ENKUR: variants seen among roughly 807,000 people sequenced by gnomAD.
ENKUR encodes enkurin.
In ENKUR, 19 loss-of-function variants were observed where a neutral mutation model predicts 27.6. The ratio of observed to expected loss-of-function variants is 0.69; its 90% CI spans 0.48 to 1.01. The LOEUF is 1.01. Among genes scored for constraint, ENKUR ranks in the 50% least tolerant of loss-of-function variants. The pLI is 0.00. For synonymous variants in ENKUR, 117 were observed against 96.9 expected, an observed-to-expected ratio of 1.21 and a Z score of -1.22; for missense variants, 312 against 310.5, an observed-to-expected ratio of 1.00 and a Z score of -0.04.
intron 2 of ENKUR, among the ~76,000 whole-genome samples, chr10:25,044,893 T>G (rs555089398): frequency 6.6e-6 from 1 of 152,370 alleles, no homozygotes; most frequent in South Asian, 2.1e-4. Context: ...TTATCCCTAC[T>G]GTGGATTTCT....
intron 2 of ENKUR, among the ~76,000 whole-genome samples, chr10:24,999,037 C>A (rs550137263): frequency 6.6e-6 from 1 of 152,252 alleles, no homozygotes; most frequent in South Asian, 2.1e-4. Context: ...GGAGAAAAGG[C>A]CAGACAGGGT....
intron 2 of ENKUR, among the ~76,000 whole-genome samples, chr10:25,039,907 C>A (rs1170006074): frequency 6.7e-6 from 1 of 149,180 alleles, no homozygotes; most frequent in African/African-American, 2.5e-5. Flanking sequence ...ATGTAACAAA[C>A]CTGCACATGT....
intron 2 of ENKUR, among the ~76,000 whole-genome samples, chr10:25,054,417 C>T (rs573877867): frequency 2.6e-5 from 4 of 151,980 alleles, no homozygotes; most frequent in Admixed American, 1.3e-4. Context: ...AGTGAAACTC[C>T]GTCTCAAATA....
chr10:25,053,800 T>A lies in ENKUR; in HGVS notation c.37+7312A>T, dbSNP rs960577894. Among the ~76,000 whole-genome samples the A allele has an allele frequency of 5.3e-5, 8 of 151,982 alleles. No homozygotes were observed. In the East Asian group the frequency reaches 5.8e-4, roughly 11 times the overall value. On this transcript the variant is annotated intron_variant, in intron 2 of 5. Coordinates refer to the ENKUR transcript ENST00000615958. ...CTTTTTACCCAGCACTGATTTTTTT[T>A]AAATTTATGATAAAATATTTAAGAC...
intron 2 of ENKUR, chr10:25,023,090 C>G (rs1850757589): frequency 2.5e-6 from 2 of 807,966 alleles, no homozygotes; most frequent in Non-Finnish European, 1.9e-6. Context: ...TGGTTATATT[C>G]AGTCCTATTG....
chr10:25,053,661 T>G (rs1387330045), intron 2 of ENKUR, among the ~76,000 whole-genome samples: 5 of 152,076 alleles, frequency 3.3e-5, no homozygotes, highest in Non-Finnish European at 4.4e-5. Flanking sequence ...TACCTTCGGG[T>G]TTTTTACTGC....
chr10:25,037,661 T>C (rs984354463), intron 2 of ENKUR, among the ~76,000 whole-genome samples: 4 of 152,168 alleles, frequency 2.6e-5, no homozygotes, highest in Non-Finnish European at 5.9e-5. Flanking sequence ...TAAAGCTGTT[T>C]TGCTCTTCTT....
At chr10:25,046,820 G>GTGC (rs1306291973) in intron 2 of ENKUR, among the ~76,000 whole-genome samples, 2 of 152,132 alleles carry the variant, frequency 1.3e-5, no homozygotes, top group African/African-American at 2.4e-5. Flanking sequence ...CAGCCAAAGA[G>GTGC]TTTATTTACT....
At chr10:25,024,180 G>C (rs1302697789) in intron 2 of ENKUR, 4 of 1,614,080 alleles carry the variant, frequency 2.5e-6, no homozygotes, top group Non-Finnish European at 3.4e-6. Flanking sequence ...CTGCTTATGG[G>C]GAAAACTTTG....
At chr10:25,008,831 C>G (rs186198724) in intron 1 of ENKUR, among the ~76,000 whole-genome samples, 1 of 152,252 alleles carries the variant, frequency 6.6e-6, no homozygotes, top group East Asian at 1.9e-4. Flanking sequence ...GCACTATTCA[C>G]AATAGCAAAG....
chr10:25,040,572 G>A (rs1361618973), intron 2 of ENKUR, among the ~76,000 whole-genome samples: 1 of 151,604 alleles, frequency 6.6e-6, no homozygotes, highest in Non-Finnish European at 1.5e-5. Flanking sequence ...CGGTTTCACC[G>A]TGTTAGCCAG....
chr10:25,057,411 ACACACACACACACACAC>A (rs1233834858), intron 2 of ENKUR, among the ~76,000 whole-genome samples: 7 of 149,872 alleles, frequency 4.7e-5, no homozygotes, highest in African/African-American at 9.8e-5. Context: ...ACACACACAC[ACACACACACACACACAC>A]AATGCCCTTA....
intron 2 of ENKUR, among the ~76,000 whole-genome samples, chr10:25,040,810 G>C (rs1851055813): frequency 6.6e-6 from 1 of 152,206 alleles, no homozygotes; most frequent in Non-Finnish European, 1.5e-5. Context: ...TGACCATTTG[G>C]TTTTCCTACT....
At chr10:25,025,533 G>T in intron 2 of ENKUR, 1 of 1,373,110 alleles carries the variant, frequency 7.3e-7, no homozygotes, top group East Asian at 2.3e-5. Context: ...GAGTACAGTA[G>T]CATTTTGTCT....
chr10:25,003,181 A>ATTTATTTATTT (rs1564340741), intron 1 of ENKUR, among the ~76,000 whole-genome samples: 3 of 146,990 alleles, frequency 2.0e-5, no homozygotes, highest in African/African-American at 7.3e-5. Context: ...TTAATTAATT[A>ATTTATTTATTT]ATTTATTTAT....
intron 1 of ENKUR, among the ~76,000 whole-genome samples, chr10:25,015,165 G>C (rs936310477): frequency 6.6e-6 from 1 of 152,280 alleles, no homozygotes; most frequent in South Asian, 2.1e-4. Context: ...CTACAGATGG[G>C]AGTAACTGAA....
chr10:24,986,771 T>G (rs568820124), intron 4 of ENKUR, among the ~76,000 whole-genome samples: 37 of 152,344 alleles, frequency 2.4e-4, no homozygotes, highest in Admixed American at 1.6e-3. Context: ...GTAGCTAATA[T>G]TTCATATTAT....
At chr10:25,029,177 T>C (rs903964550) in intron 2 of ENKUR, among the ~76,000 whole-genome samples, 2 of 152,214 alleles carry the variant, frequency 1.3e-5, no homozygotes, top group African/African-American at 4.8e-5. Flanking sequence ...TTAACATTTG[T>C]GACTCTTCTT....
chr10:25,048,241 C>T (rs1851142552), intron 2 of ENKUR, among the ~76,000 whole-genome samples: 1 of 152,162 alleles, frequency 6.6e-6, no homozygotes, highest in East Asian at 1.9e-4. Flanking sequence ...AGAGAATACA[C>T]TGAGGACTTC....
Sources: allele counts gnomAD v4.1 joint callset (sites outside exome capture counted in the v4.1 genomes callset), GRCh38; gene constraint gnomAD v4.1.1; transcripts MANE v1.5; gene names NCBI Gene and HGNC (gene_info 2026-07-23, HGNC 2026-07-21).